Variants in CASP2 observed in about 807,000 individuals in gnomAD.
The protein encoded by CASP2 is caspase-2.
In CASP2, 38 loss-of-function variants were observed where a neutral mutation model predicts 54.4. The observed-to-expected ratio is 0.70, with a 90% CI of 0.54 to 0.92. The LOEUF (loss-of-function observed/expected upper bound fraction) is 0.92, where lower values mean the gene tolerates loss of function less well. Among genes scored for constraint, CASP2 ranks in the 40% least tolerant of loss-of-function variants. The probability of loss-of-function intolerance (pLI) is 0.00; values close to 1 mark genes in which losing one functional copy is unlikely to be tolerated. For synonymous variants in CASP2, 215 were observed against 216.3 expected (o/e 0.99, Z 0.05); for missense variants, 512 against 579.6 (o/e 0.88, Z 1.20).
intron 1 of CASP2, 60 bp downstream of exon 1, chr7:143,288,589 C>T (rs1752370528): frequency 6.8e-7 from 1 of 1,472,724 alleles, no homozygotes; most frequent in Admixed American, 1.8e-5. Flanking sequence ...AGCGTGGCCC[C>T]CAGGCGTGCG....
In CASP2 at chr7:143,300,229, A is replaced by G. The variant is rs1364132002; in HGVS notation, c.902A>G (p.Asp301Gly). 1.2e-6 allele frequency: 2 copies of G among 1,614,088 alleles called. No homozygotes were observed. The change falls in exon 8 of 11, where the codon GAC (aspartate) becomes GGC (glycine). Residue 301 changes from aspartate to glycine, a missense_variant. By Grantham distance (94) the Asp-to-Gly change is moderately conservative (BLOSUM62 -1). Transcript: ENST00000310447. ...CTCCAAGAGGTTTTTCAGCTCTTTG[A>G]CAACGCCAACTGCCCAAGCCTACAG... ...LQLQEVFQLFDNANCPSLQNK... is the reference protein window; with the variant it reads ...LQLQEVFQLFGNANCPSLQNK...
At chr7:143,289,423 T>TA (rs1227743852) in intron 1 of CASP2, among the ~76,000 whole-genome samples, 2 of 152,196 alleles carry the variant, frequency 1.3e-5, no homozygotes, top group Admixed American at 1.3e-4. Context: ...TTAAGAACTA[T>TA]AAGTCAGTAA....
At chr7:143,290,083 G>A (rs1376402748) in intron 1 of CASP2, among the ~76,000 whole-genome samples, 3 of 125,232 alleles carry the variant, frequency 2.4e-5, no homozygotes, top group Admixed American at 1.8e-4. Flanking sequence ...TTTTTTGGAC[G>A]GAGTCTTTGC....
Position 143,288,398 on chromosome 7 carries a change from C to T in CASP2, c.-58C>T, listed in dbSNP as rs970459794. 1.5e-5 allele frequency: 24 copies of T among 1,551,306 alleles called. No homozygotes were observed. Among genetic ancestry groups the T allele is most frequent in the East Asian group, 1.4e-4 (6 of 44,268 alleles). On this transcript the variant is annotated 5_prime_UTR_variant, in exon 1 of 11. Coordinates refer to ENST00000310447, the MANE Select transcript of CASP2 (RefSeq NM_032982.4). ...GGGAGGGATGTGGGGGAAGCGACGG[C>T]CCCCGGTTTGTTTGGGCTGTGGGCG...
At position 143,292,979 on chromosome 7, in the gene CASP2, C is replaced by G. The variant is rs564062826; in HGVS notation, c.475+281C>G. Reference sequence around the variant, plus strand: ...TGAGCCAACACGGTGCCACCGCACTCCAGCCTTGCCAACAGAGTGAGACTC... The same window carrying G: ...TGAGCCAACACGGTGCCACCGCACTGCAGCCTTGCCAACAGAGTGAGACTC... On this transcript the variant is annotated intron_variant, in intron 4 of 10. Coordinates refer to ENST00000310447, the MANE Select transcript of CASP2 (RefSeq NM_032982.4). 6.6e-5 allele frequency among the ~76,000 whole-genome samples: 10 copies of G among 152,162 alleles called. No homozygotes were observed. The South Asian group carries it at 1.5e-3, about 22-fold the overall frequency.
At chr7:143,299,126 A>ATT (rs1054483989) in intron 6 of CASP2, among the ~76,000 whole-genome samples, 1 of 148,600 alleles carries the variant, frequency 6.7e-6, no homozygotes, top group Admixed American at 6.7e-5. Flanking sequence ...TGCCTGGCTA[A>ATT]TTTTTTTTTT....
Position 143,307,442 on chromosome 7 carries a change from TTTA to T in CASP2, c.*2372_*2374del, listed in dbSNP as rs1217210188. 1 of 152,252 alleles carries T rather than the reference TTTA, an allele frequency of 6.6e-6. No individual in the cohort carries two copies. Among genetic ancestry groups the T allele is most frequent in the Admixed American group, 6.5e-5 (1 of 15,290 alleles). 9.4% of individuals were successfully genotyped at this position (152,252 alleles called of 1,614,324 possible). On this transcript the variant is annotated 3_prime_UTR_variant, in exon 11 of 11. Coordinates refer to ENST00000310447, the MANE Select transcript of CASP2 (RefSeq NM_032982.4). Reference sequence around the variant, plus strand: ...TGTTTTGCTTTTATCCACTGGCATTTTTAGCTCCTTGAAGACATATCATGTGTG... The same window carrying T: ...TGTTTTGCTTTTATCCACTGGCATTTGCTCCTTGAAGACATATCATGTGTG...
intron 8 of CASP2, chr7:143,301,107 A>G (rs950763029): frequency 1.1e-5 from 2 of 186,864 alleles, no homozygotes; most frequent in Non-Finnish European, 2.1e-5. Context: ...GGTGCTTGTG[A>G]TGGTTAAATG....
At chr7:143,304,040 C>A in intron 9 of CASP2, 107 bp downstream of exon 9, 1 of 1,133,924 alleles carries the variant, frequency 8.8e-7, no homozygotes, top group Non-Finnish European at 1.3e-6. Context: ...GTGTTGGAAC[C>A]AGAAGTGTTT....
At position 143,298,967 on chromosome 7, in the gene CASP2, GT is replaced by G. The variant is rs971682258; in HGVS notation, c.748-946del. Among the ~76,000 whole-genome samples the G allele has an allele frequency of 1.2e-4, 18 of 148,318 alleles. No individual in the cohort carries two copies. In the East Asian group the frequency reaches 2.0e-3, roughly 16 times the overall value. On this transcript the variant is annotated intron_variant, in intron 6 of 10. Transcript: ENST00000310447. Reference sequence around the variant, plus strand: ...TCCCAGACACAGTGATCGGTTTTTGGTTTTTTTTTTGAGACAGGGTCTCTCT... The same window carrying G: ...TCCCAGACACAGTGATCGGTTTTTGGTTTTTTTTTGAGACAGGGTCTCTCT...
chr7:143,293,087 T>C, intron 4 of CASP2: 1 of 636,070 alleles, frequency 1.6e-6, no homozygotes. Context: ...GGTATCTGGC[T>C]TTGTCCTAAC....
At chr7:143,300,173 AC>A (rs1244074678) in intron 7 of CASP2, 30 bp from the exon 8 acceptor site, 1 of 1,613,072 alleles carries the variant, frequency 6.2e-7, no homozygotes, top group Non-Finnish European at 8.5e-7. Flanking sequence ...TGAATGCTTA[AC>A]CTCTCTTCTT....
Position 143,291,550 on chromosome 7 carries a change from G to A in CASP2, c.85G>A (p.Val29Met), listed in dbSNP as rs774249957. 4 of 1,614,078 alleles carry A rather than the reference G, an allele frequency of 2.5e-6. No individual in the cohort carries two copies. The highest frequency in any genetic ancestry group is 1.1e-5 in the South Asian group (1 of 91,090). The change falls in exon 2 of 11, where the codon GTG (valine) becomes ATG (methionine). Residue 29 changes from valine (V) to methionine (M), a missense_variant. By Grantham distance (21) the Val-to-Met change is conservative (BLOSUM62 1). Coordinates refer to ENST00000310447, the MANE Select transcript of CASP2 (RefSeq NM_032982.4). ...ACCGTTTATCTGTAGGATATTGGGAGTGTGTGGCATGCATCCTCATCATCA... is the reference window on the plus strand; with the variant it reads ...ACCGTTTATCTGTAGGATATTGGGAATGTGTGGCATGCATCCTCATCATCA... ...AADRGRRILGVCGMHPHHQET... is the reference protein window; with the variant it reads ...AADRGRRILGMCGMHPHHQET...
At chr7:143,289,207 A>G (rs1245087302) in intron 1 of CASP2, among the ~76,000 whole-genome samples, 1 of 152,170 alleles carries the variant, frequency 6.6e-6, no homozygotes, top group Non-Finnish European at 1.5e-5. Flanking sequence ...ACACAGAATT[A>G]AGACGTAGGA....
chr7:143,300,654 CT>C, intron 8 of CASP2: 1 of 1,263,514 alleles, frequency 7.9e-7, no homozygotes, highest in Non-Finnish European at 1.0e-6. Flanking sequence ...TTTGATCTGT[CT>C]TTTTCCTGTC....
chr7:143,296,703 A>G (rs896273846), intron 6 of CASP2, among the ~76,000 whole-genome samples: 3 of 151,812 alleles, frequency 2.0e-5, no homozygotes, highest in African/African-American at 7.3e-5. Context: ...CGTTTATCAT[A>G]TAGCTATTTG....
intron 8 of CASP2, 78 bp from the exon 9 acceptor site, chr7:143,303,706 C>A: frequency 7.4e-7 from 1 of 1,357,716 alleles, no homozygotes. Context: ...TTGTAGGGAA[C>A]GTGGGCTTGC....
intron 10 of CASP2, 42 bp downstream of exon 10, chr7:143,304,825 G>T (rs1166545310): frequency 1.2e-6 from 2 of 1,604,888 alleles, no homozygotes; most frequent in South Asian, 2.2e-5. Context: ...TCTCCACAGT[G>T]CTCTACTTTC....
intron 4 of CASP2, chr7:143,293,058 GA>G: frequency 1.6e-6 from 1 of 610,280 alleles, no homozygotes; most frequent in Non-Finnish European, 2.9e-6. Flanking sequence ...GTCCCAGATT[GA>G]CTTCCCCTTT....
Sources: allele counts gnomAD v4.1 joint callset (sites outside exome capture counted in the v4.1 genomes callset), GRCh38; gene constraint gnomAD v4.1.1; transcripts MANE v1.5; gene names NCBI Gene and HGNC (gene_info 2026-07-23, HGNC 2026-07-21).